The following TTC28 variants were observed in gnomAD, a reference collection of about 807,000 sequenced individuals.
TTC28 encodes the protein tetratricopeptide repeat protein 28.
Under a neutral mutation model 198.0 loss-of-function variants are expected in TTC28, and 61 were observed. The ratio of observed to expected loss-of-function variants is 0.31; its 90% CI spans 0.25 to 0.38. TTC28 has a LOEUF of 0.38. Ranked by LOEUF, TTC28 falls within the 10% of genes least tolerant of loss-of-function variation. TTC28 has a pLI of 1.00. For missense variants in TTC28, 2,678 were observed against 3,164.0 expected (o/e 0.85, Z 3.69); for synonymous variants, 1,171 against 1,297.8 (o/e 0.90, Z 2.10).
chr22:28,581,969 A>C (rs1407438171), intron 2 of TTC28, among the ~76,000 whole-genome samples: 2 of 152,310 alleles, frequency 1.3e-5, no homozygotes, highest in Middle Eastern at 3.4e-3. Flanking sequence ...TGGCAAGCAC[A>C]ATGTTTTATC....
chr22:28,080,757 G>A (rs1311433803), intron 12 of TTC28, among the ~76,000 whole-genome samples: 2 of 151,874 alleles, frequency 1.3e-5, no homozygotes, highest in Admixed American at 1.3e-4. Context: ...ATAAATTATT[G>A]CCAAATCCAA....
At chr22:28,602,248 C>G (rs556112693) in intron 2 of TTC28, among the ~76,000 whole-genome samples, 11 of 152,270 alleles carry the variant, frequency 7.2e-5, no homozygotes, top group African/African-American at 2.6e-4. Context: ...AATGTGGGCA[C>G]CTGGTACAGA....
chr22:28,499,577 A>C (rs2048507345), intron 2 of TTC28, among the ~76,000 whole-genome samples: 1 of 152,194 alleles, frequency 6.6e-6, no homozygotes, highest in African/African-American at 2.4e-5. Flanking sequence ...CATCCTCATT[A>C]AACGAATGTT....
intron 2 of TTC28, among the ~76,000 whole-genome samples, chr22:28,445,875 C>T (rs575896055): frequency 1.3e-5 from 2 of 152,158 alleles, no homozygotes; most frequent in African/African-American, 4.8e-5. Flanking sequence ...CACACACACA[C>T]ACACACACAC....
intron 2 of TTC28, among the ~76,000 whole-genome samples, chr22:28,342,120 T>C (rs1290304220): frequency 6.6e-6 from 1 of 152,232 alleles, no homozygotes; most frequent in Admixed American, 6.5e-5. Flanking sequence ...AAATTGTTTT[T>C]TGTGTTAAAT....
chr22:28,336,566 G>A (rs1047278744), intron 2 of TTC28, among the ~76,000 whole-genome samples: 4 of 151,984 alleles, frequency 2.6e-5, no homozygotes, highest in Non-Finnish European at 5.9e-5. Context: ...TTTAGTCTTG[G>A]GAGGGTGTAT....
At chr22:28,478,926 ATCT>A (rs2048204907) in intron 2 of TTC28, among the ~76,000 whole-genome samples, 2 of 152,196 alleles carry the variant, frequency 1.3e-5, no homozygotes, top group Non-Finnish European at 2.9e-5. Flanking sequence ...ACTTAGCACT[ATCT>A]AAAATCACCT....
chr22:28,209,517 G>A (rs1309059405), intron 5 of TTC28, among the ~76,000 whole-genome samples: 3 of 152,154 alleles, frequency 2.0e-5, no homozygotes, highest in Non-Finnish European at 2.9e-5. Context: ...AGGGTCCCAC[G>A]CCCACTGAGC....
At chr22:28,443,591 A>G (rs1300472747) in intron 2 of TTC28, among the ~76,000 whole-genome samples, 2 of 151,928 alleles carry the variant, frequency 1.3e-5, no homozygotes, top group East Asian at 3.9e-4. Flanking sequence ...AATTCCCAAG[A>G]ACCTTAGTGG....
intron 2 of TTC28, among the ~76,000 whole-genome samples, chr22:28,424,081 C>T (rs779900023): frequency 4.6e-5 from 7 of 151,164 alleles, no homozygotes; most frequent in Non-Finnish European, 8.9e-5. Context: ...TCAAGGAATA[C>T]AGGAAATTAG....
intron 2 of TTC28, among the ~76,000 whole-genome samples, chr22:28,512,819 T>G (rs2048708563): frequency 6.6e-6 from 1 of 152,062 alleles, no homozygotes; most frequent in Non-Finnish European, 1.5e-5. Context: ...GATGCTGGGC[T>G]TAATACCTAG....
At chr22:28,044,019 G>C (rs1324499247) in intron 12 of TTC28, among the ~76,000 whole-genome samples, 1 of 152,186 alleles carries the variant, frequency 6.6e-6, no homozygotes, top group Non-Finnish European at 1.5e-5. Flanking sequence ...TCTGAAGTCA[G>C]ATCCACTGGT....
intron 2 of TTC28, among the ~76,000 whole-genome samples, chr22:28,391,825 G>A (rs1357430670): frequency 6.6e-5 from 10 of 152,204 alleles, no homozygotes; most frequent in African/African-American, 2.4e-4. Flanking sequence ...ATCGTCTGAA[G>A]CCTTCTTCTC....
chr22:28,126,910 T>C (rs1942929068), intron 6 of TTC28, among the ~76,000 whole-genome samples: 1 of 152,214 alleles, frequency 6.6e-6, no homozygotes, highest in Admixed American at 6.5e-5. Flanking sequence ...AGAAGAGTTC[T>C]ATAGAACACA....
intron 2 of TTC28, among the ~76,000 whole-genome samples, chr22:28,577,398 A>G (rs2050167705): frequency 1.3e-5 from 2 of 152,158 alleles, no homozygotes; most frequent in South Asian, 4.1e-4. Context: ...CATACAGTCT[A>G]TCCCTGAGAA....
In TTC28 at chr22:28,257,739, C is replaced by CATATATATATAT. The variant is rs66590909; in HGVS notation, c.933+38447_933+38458dup. On this transcript the variant is annotated intron_variant, in intron 5 of 22. Coordinates refer to ENST00000397906, the MANE Select transcript of TTC28 (RefSeq NM_001145418.2). The stretch of plus-strand genomic sequence containing the variant: ...TTACCATCTTTAGATGGTAATAGAA[C>CATATATATATAT]ATATATATATATATATATATATATA... Among the ~76,000 whole-genome samples the CATATATATATAT allele has an allele frequency of 4.6e-3, 441 of 96,350 alleles. 11 individuals carry two copies. The highest frequency in any genetic ancestry group is 7.1e-3 in the African/African-American group (151 of 21,346). The allele number at this position is 96,350 out of a possible 152,430, so 63.2% of individuals were successfully genotyped here. A position where few individuals can be genotyped will look rare whatever the true frequency, so the allele number is the denominator to read the frequency against.
At chr22:28,331,552 C>A (rs2045616501) in intron 2 of TTC28, among the ~76,000 whole-genome samples, 2 of 151,984 alleles carry the variant, frequency 1.3e-5, no homozygotes, top group Admixed American at 1.3e-4. Context: ...TACATATAGC[C>A]TAATACAGAT....
In TTC28 at chr22:28,217,448, G is replaced by T. The variant is rs866815290; in HGVS notation, c.934-53849C>A. 1.3e-5 allele frequency among the ~76,000 whole-genome samples: 2 copies of T among 152,252 alleles called. 1 individual carries two copies. The highest frequency in any genetic ancestry group is 4.2e-4 in the South Asian group (2 of 4,816). On this transcript the variant is annotated intron_variant, in intron 5 of 22. Coordinates refer to ENST00000397906, the MANE Select transcript of TTC28 (RefSeq NM_001145418.2). Reference sequence around the variant, plus strand: ...CCATTTAGTATAAAGGAATTGTGGCGATAGAGGAAAGTGATAACTGTATAT... The same window carrying T: ...CCATTTAGTATAAAGGAATTGTGGCTATAGAGGAAAGTGATAACTGTATAT...
At chr22:28,421,409 T>G (rs560971019) in intron 2 of TTC28, among the ~76,000 whole-genome samples, 1 of 152,290 alleles carries the variant, frequency 6.6e-6, no homozygotes, top group African/African-American at 2.4e-5. Flanking sequence ...TTAATTGACT[T>G]TTTGAAAAAA....
Sources: allele counts gnomAD v4.1 joint callset (sites outside exome capture counted in the v4.1 genomes callset), GRCh38; gene constraint gnomAD v4.1.1; transcripts MANE v1.5; gene names NCBI Gene and HGNC (gene_info 2026-07-23, HGNC 2026-07-21).